Variants in ITCH observed in about 807,000 individuals in gnomAD.
The protein encoded by ITCH is E3 ubiquitin-protein ligase Itchy homolog.
In ITCH, 28 loss-of-function variants were observed where a neutral mutation model predicts 126.8. That is an observed-to-expected ratio of 0.22 (90% CI 0.16 to 0.30). The LOEUF (loss-of-function observed/expected upper bound fraction) is 0.30. Ranked by LOEUF, ITCH falls within the 10% of genes least tolerant of loss-of-function variation. ITCH has a pLI of 1.00. For missense variants in ITCH, 631 were observed against 1,032.4 expected (o/e 0.61, Z 5.33); for synonymous variants, 342 against 340.0 (o/e 1.01, Z -0.06).
intron 23 of ITCH, among the ~76,000 whole-genome samples, chr20:34,503,033 G>C (rs977764193): frequency 6.6e-6 from 1 of 152,082 alleles, no homozygotes; most frequent in African/African-American, 2.4e-5. Flanking sequence ...ATATTGAGTA[G>C]AGAGAACATG....
At chr20:34,437,445 A>G (rs1256335808) in intron 7 of ITCH, among the ~76,000 whole-genome samples, 3 of 152,148 alleles carry the variant, frequency 2.0e-5, no homozygotes, top group Non-Finnish European at 4.4e-5. Context: ...AGCTTCGACT[A>G]CAGGCGTGCC....
At chr20:34,425,805 T>C (rs1256966778) in intron 7 of ITCH, among the ~76,000 whole-genome samples, 1 of 152,166 alleles carries the variant, frequency 6.6e-6, no homozygotes, top group East Asian at 1.9e-4. Flanking sequence ...ATAGTAAAAA[T>C]AGTGATCAAT....
At chr20:34,488,343 C>T (rs112874449) in intron 20 of ITCH, among the ~76,000 whole-genome samples, 1 of 151,932 alleles carries the variant, frequency 6.6e-6, no homozygotes. Flanking sequence ...AATAATGATG[C>T]GGTCATGTTT....
At chr20:34,477,356 C>T (rs560991620) in intron 16 of ITCH, among the ~76,000 whole-genome samples, 102 of 152,262 alleles carry the variant, frequency 6.7e-4, no homozygotes, top group African/African-American at 2.4e-3. Context: ...CATGGCAAAA[C>T]CCCGTCTCTA....
intron 24 of ITCH, 85 bp from the exon 25 acceptor site, chr20:34,507,610 T>C (rs1990721115): frequency 9.9e-7 from 1 of 1,007,494 alleles, no homozygotes; most frequent in Non-Finnish European, 1.6e-6. Context: ...TGTGCTTCTA[T>C]AGTAGTGTAT....
rs571931429 is a variant in ITCH at position 34,424,813 on chromosome 20, A to G, written c.521+288A>G. Among the ~76,000 whole-genome samples the G allele has an allele frequency of 1.8e-3, 280 of 152,286 alleles. 2 individuals carry two copies. The highest frequency in any genetic ancestry group is 2.9e-3 in the Non-Finnish European group (200 of 68,022). On this transcript the variant is annotated intron_variant, in intron 7 of 24. Coordinates refer to ENST00000374864, the MANE Select transcript of ITCH (RefSeq NM_031483.7). ...GGGTGTTCTAAACTCCAGAGCCATC[A>G]TTGGGCTGTTAAGTTTCTTTTCCAG...
At chr20:34,408,457 G>A (rs921353873) in intron 3 of ITCH, among the ~76,000 whole-genome samples, 194 bp from the exon 4 acceptor site, 8 of 152,128 alleles carry the variant, frequency 5.3e-5, no homozygotes, top group Middle Eastern at 6.3e-3. Context: ...TTGATGGTAC[G>A]GGGAACCTCT....
intron 16 of ITCH, among the ~76,000 whole-genome samples, chr20:34,474,613 C>T (rs1229090688): frequency 3.3e-5 from 5 of 152,236 alleles, no homozygotes; most frequent in Non-Finnish European, 4.4e-5. Context: ...TTTACCCACC[C>T]TTCCCCGCTT....
At chr20:34,478,436 CT>C (rs1988429870) in intron 17 of ITCH, among the ~76,000 whole-genome samples, 1 of 152,158 alleles carries the variant, frequency 6.6e-6, no homozygotes, top group African/African-American at 2.4e-5. Flanking sequence ...AGAAGATAGT[CT>C]CTAATGAGAA....
intron 9 of ITCH, among the ~76,000 whole-genome samples, chr20:34,441,272 T>C (rs1352572404): frequency 6.6e-6 from 1 of 151,976 alleles, no homozygotes; most frequent in Admixed American, 6.6e-5. Flanking sequence ...AACTCCATCT[T>C]GGGGAAAAAA....
intron 3 of ITCH, among the ~76,000 whole-genome samples, chr20:34,396,188 C>G (rs1399921141): frequency 1.3e-5 from 2 of 151,828 alleles, no homozygotes; most frequent in Non-Finnish European, 2.9e-5. Context: ...CACGCACAAC[C>G]ATGTGTAGCT....
At chr20:34,416,527 A>C (rs918410321) in intron 6 of ITCH, among the ~76,000 whole-genome samples, 3 of 152,196 alleles carry the variant, frequency 2.0e-5, no homozygotes, top group Admixed American at 1.3e-4. Flanking sequence ...TTGGGGGGAA[A>C]AATACCTTAT....
In ITCH at chr20:34,364,269, TC is replaced by T. The variant is rs540079740; in HGVS notation, c.-99+922del. Among the ~76,000 whole-genome samples the T allele has an allele frequency of 1.0e-3, 154 of 152,280 alleles. 2 individuals are homozygous for T. The highest frequency in any genetic ancestry group is 6.8e-3 in the Middle Eastern group (2 of 294). On this transcript the variant is annotated intron_variant, in intron 1 of 24. Coordinates refer to ENST00000374864, the MANE Select transcript of ITCH (RefSeq NM_031483.7). ...CCTTGTTTTCTTGGTTGTATTCGTA[TC>T]CTAATCTTATTACATTTTCTGCCAT...
chr20:34,373,772 A>G (rs941178311), intron 2 of ITCH, among the ~76,000 whole-genome samples: 3 of 152,176 alleles, frequency 2.0e-5, no homozygotes, highest in African/African-American at 7.2e-5. Context: ...TCATCTACAT[A>G]TTGAGCTTAA....
At chr20:34,505,555 A>G (rs981528711) in intron 24 of ITCH, among the ~76,000 whole-genome samples, 9 of 130,914 alleles carry the variant, frequency 6.9e-5, no homozygotes, top group African/African-American at 2.3e-4. Flanking sequence ...CGATAAATAT[A>G]TAACTTTTTT....
chr20:34,400,527 C>A (rs1022709203), intron 3 of ITCH, among the ~76,000 whole-genome samples: 10 of 151,402 alleles, frequency 6.6e-5, no homozygotes, highest in African/African-American at 2.4e-4. Context: ...CTGTGTCTTT[C>A]AGGTGTGCCT....
chr20:34,370,663 CA>C (rs113103425), intron 2 of ITCH, among the ~76,000 whole-genome samples: 93 of 129,344 alleles, frequency 7.2e-4, no homozygotes, highest in Non-Finnish European at 9.0e-4. Flanking sequence ...GAGTCTGTCT[CA>C]AAAAAAAAAA....
At chr20:34,375,696 ATTTTTTTTTTTTTTTTTTT>A (rs5841171) in intron 2 of ITCH, among the ~76,000 whole-genome samples, 4 of 65,524 alleles carry the variant, frequency 6.1e-5, no homozygotes, top group South Asian at 4.8e-4. Context: ...GGTAGTTAAA[ATTTTTTTTTTTTTTTTTTT>A]TTTTTTTTTT....
Position 34,435,150 on chromosome 20 carries a change from A to AT in ITCH, c.522-3318dup, listed in dbSNP as rs1219524672. On this transcript the variant is annotated intron_variant, in intron 7 of 24. Coordinates refer to ENST00000374864, the MANE Select transcript of ITCH (RefSeq NM_031483.7). ...TAGCTCCCAGGAGTCTTGAGCTGTGATTTTTTGGTTTGTTTGTTTTTGGGT... is the reference window on the plus strand; with the variant it reads ...TAGCTCCCAGGAGTCTTGAGCTGTGATTTTTTTGGTTTGTTTGTTTTTGGGT... Among the ~76,000 whole-genome samples the AT allele has an allele frequency of 1.9e-4, 29 of 148,806 alleles. 1 individual carries two copies. Among genetic ancestry groups the AT allele is most frequent in the African/African-American group, 4.9e-5 (2 of 40,986 alleles).
Sources: allele counts gnomAD v4.1 joint callset (sites outside exome capture counted in the v4.1 genomes callset), GRCh38; gene constraint gnomAD v4.1.1; transcripts MANE v1.5; gene names NCBI Gene and HGNC (gene_info 2026-07-23, HGNC 2026-07-21).